The following SELPLG variants were observed in gnomAD, a reference collection of about 807,000 sequenced individuals.
SELPLG encodes P-selectin glycoprotein ligand 1.
In SELPLG, 2 loss-of-function variants were observed where a neutral mutation model predicts 1.1. The observed-to-expected ratio is 1.82, with a 90% CI of 0.74 to 5.71. The LOEUF (loss-of-function observed/expected upper bound fraction) is 5.71. SELPLG is among the 30% of genes most tolerant of loss of function. The pLI is 0.05. For missense variants in SELPLG, 478 were observed against 524.7 expected (o/e 0.91, Z 0.87); for synonymous variants, 230 against 221.2 (o/e 1.04, Z -0.35).
At position 108,632,311 on chromosome 12, in the gene SELPLG, G is replaced by GA. The variant is rs576671230; in HGVS notation, c.-6+1428dup. The stretch of plus-strand genomic sequence containing the variant: ...TCTGGGGGCCTCAAAGTCAGAGATG[G>GA]AAAAAAAAGGAAAACAGAAGAAAGA... On this transcript the variant is annotated intron_variant, in intron 1 of 1. Coordinates refer to ENST00000550948, the MANE Select transcript of SELPLG (RefSeq NM_003006.4). 1.4e-4 allele frequency among the ~76,000 whole-genome samples: 21 copies of GA among 151,394 alleles called. 3 individuals are homozygous for GA. In the South Asian group the frequency reaches 3.7e-3, roughly 27 times the overall value.
chr12:108,624,887 A>G (rs774805948), intron 1 of SELPLG, among the ~76,000 whole-genome samples: 4 of 151,930 alleles, frequency 2.6e-5, no homozygotes, highest in South Asian at 4.2e-4. Flanking sequence ...ACGGGGTTTC[A>G]CTATGTTGGC....
In SELPLG at chr12:108,623,110, G is replaced by C. The variant is rs149798267; in HGVS notation, c.1198C>G (p.Arg400Gly). The change falls in exon 2 of 2, where the codon CGT becomes GGT. Residue 400 changes from arginine to glycine, a missense_variant. Transcript: ENST00000550948. ...TGCAGGGTGAGGTCATCCCCCTCACGGTCCTCCCTGGGCTCTGGCGTCAGG... is the reference window on the plus strand; with the variant it reads ...TGCAGGGTGAGGTCATCCCCCTCACCGTCCTCCCTGGGCTCTGGCGTCAGG... ...PGLTPEPRED[R>G]EGDDLTLHSF... The C allele has an allele frequency of 1.3e-6, 2 of 1,546,924 alleles. No individual in the cohort carries two copies. The highest frequency in any genetic ancestry group is 2.8e-5 in the African/African-American group (2 of 72,448).
rs748947309 is a variant in SELPLG, at chr12:108,622,050, C to A, written c.*1019G>T. 2.0e-5 allele frequency among the ~76,000 whole-genome samples: 3 copies of A among 152,154 alleles called. No homozygotes were observed. Among genetic ancestry groups the A allele is most frequent in the Non-Finnish European group, 4.4e-5 (3 of 68,026 alleles). On this transcript the variant is annotated 3_prime_UTR_variant, in exon 2 of 2. Coordinates refer to ENST00000550948, the MANE Select transcript of SELPLG (RefSeq NM_003006.4). ...GAAGGGGCAGCCCTCCCTTTGGCCC[C>A]CCATAGCCTGAACTTTTCCTGGTCA... is the stretch of plus-strand genomic sequence containing the variant.
At position 108,623,780 on chromosome 12, in the gene SELPLG, T is replaced by C. The variant is rs138024084; in HGVS notation, c.528A>G (p.Pro176=). The change falls in exon 2 of 2, where the codon CCA becomes CCG. Residue 176 remains proline (P), a synonymous_variant. Transcript: ENST00000550948. ...GAGTGGTCTGTGCTTCCGTGGCTGC[T>C]GGTGGAGTGGTCTGTGCCTCTGTGG... ...LAATEAQTTP[P]AATEAQTTQP... 964 of 1,607,536 alleles carry C rather than the reference T, an allele frequency of 6.0e-4. 5 individuals are homozygous for C. In the African/African-American group the frequency reaches 0.011, roughly 18 times the overall value.
chr12:108,625,672 G>A (rs146978023), intron 1 of SELPLG, among the ~76,000 whole-genome samples: 243 of 152,242 alleles, frequency 1.6e-3, no homozygotes, highest in Non-Finnish European at 2.8e-3. Context: ...TCCCTACTAG[G>A]TAGCCAGAAA....
In SELPLG at chr12:108,622,900, C is replaced by A; in HGVS notation, c.*169G>T. On this transcript the variant is annotated 3_prime_UTR_variant, in exon 2 of 2. Coordinates refer to ENST00000550948, the MANE Select transcript of SELPLG (RefSeq NM_003006.4). Reference sequence around the variant, plus strand: ...GGCTCCACTTGCCCGTCTGCTTGGCCCCAGGCTGCTCTTGTCCTGTTTGGG... The same window carrying A: ...GGCTCCACTTGCCCGTCTGCTTGGCACCAGGCTGCTCTTGTCCTGTTTGGG... The A allele has an allele frequency of 1.6e-6, 1 of 631,052 alleles. No individual in the cohort carries two copies. Among genetic ancestry groups the A allele is most frequent in the Non-Finnish European group, 2.5e-6 (1 of 395,576 alleles). The allele number at this position is 631,052 out of a possible 1,614,324, so 39.1% of individuals were successfully genotyped here.
chr12:108,630,624 A>G (rs2136769948), intron 1 of SELPLG, among the ~76,000 whole-genome samples: 1 of 151,316 alleles, frequency 6.6e-6, no homozygotes, highest in Non-Finnish European at 1.5e-5. Context: ...AAGCTGTGTG[A>G]CCTGGGGCAA....
At position 108,623,722 on chromosome 12, in the gene SELPLG, G is replaced by A; in HGVS notation, c.586C>T (p.Pro196Ser). ...GTGGTCTGTGCCTCCATGGCTGCTG[G>A]TGCAGTGGTCTGTGCCTCCAGGCCT... ...PTGLEAQTTAPAAMEAQTTAP... is the reference protein window; with the variant it reads ...PTGLEAQTTASAAMEAQTTAP... The change falls in exon 2 of 2, where the codon CCA (proline) becomes TCA (serine). Residue 196 changes from proline to serine, a missense_variant. Physicochemically the swap from Pro to Ser is moderately conservative, Grantham distance 74 (BLOSUM62 -1). Transcript: ENST00000550948. 3 of 1,606,418 alleles carry A rather than the reference G, an allele frequency of 1.9e-6. No individual in the cohort carries two copies. Among genetic ancestry groups the A allele is most frequent in the Non-Finnish European group, 2.5e-6 (3 of 1,177,470 alleles).
Position 108,623,523 on chromosome 12 carries a change from A to C in SELPLG, c.785T>G (p.Leu262Arg), listed in dbSNP as rs1223412661. The C allele has an allele frequency of 6.2e-7, 1 of 1,614,112 alleles. No homozygotes were observed. Among genetic ancestry groups the C allele is most frequent in the Non-Finnish European group, 8.5e-7 (1 of 1,180,046 alleles). The change falls in exon 2 of 2, where the codon CTG becomes CGG. Residue 262 changes from leucine to arginine, a missense_variant. Leu to Arg is a moderately radical substitution (Grantham distance 102, BLOSUM62 -2). Transcript: ENST00000550948. ...CTCTGTGGCACTGGGTTCTGTGGAC[A>C]GGGCCTCCATGGCTGCCAGTGGAGT... ...QTTPLAAMEA[L>R]STEPSATEAL...
At chr12:108,630,640 C>T (rs1328711893) in intron 1 of SELPLG, among the ~76,000 whole-genome samples, 1 of 152,100 alleles carries the variant, frequency 6.6e-6, no homozygotes, top group Non-Finnish European at 1.5e-5. Flanking sequence ...GGCAACTCAC[C>T]TCACCTCTCT....
intron 1 of SELPLG, among the ~76,000 whole-genome samples, chr12:108,633,201 G>A (rs1303201798): frequency 1.3e-5 from 2 of 152,164 alleles, no homozygotes; most frequent in African/African-American, 4.8e-5. Context: ...AACTGGCCAG[G>A]GAGGGAAGTA....
In SELPLG at chr12:108,623,892, G is replaced by A. The variant is rs377406736; in HGVS notation, c.416C>T (p.Thr139Met). Residue 139 changes from threonine (T) to methionine (M), a missense_variant, in exon 2 of 2, where the codon ACG (threonine) becomes ATG (methionine). Thr to Met is a moderately conservative substitution (Grantham distance 81). Coordinates refer to ENST00000550948, the MANE Select transcript of SELPLG (RefSeq NM_003006.4). Reference protein sequence around the residue: ...TEAQTTQPVPTEAQTTPLAAT... With the variant: ...TEAQTTQPVPMEAQTTPLAAT... ...TGCCAGTGGAGTGGTCTGTGCCTCC[G>A]TGGGCACTGGTTGAGTGGTCTGTGC... The A allele has an allele frequency of 1.1e-4, 121 of 1,067,066 alleles. No homozygotes were observed. Among genetic ancestry groups the A allele is most frequent in the East Asian group, 4.2e-4 (7 of 16,644 alleles). The allele number at this position is 1,067,066 out of a possible 1,614,324, so 66.1% of individuals were successfully genotyped here. A position where few individuals can be genotyped will look rare whatever the true frequency, so the allele number is the denominator to read the frequency against.
intron 1 of SELPLG, among the ~76,000 whole-genome samples, chr12:108,626,128 C>CTTT (rs573374699): frequency 4.0e-5 from 5 of 125,744 alleles, no homozygotes; most frequent in Non-Finnish European, 6.7e-5. Flanking sequence ...GGTTTCTTTT[C>CTTT]TTTTTTTTTT....
At position 108,623,984 on chromosome 12, in the gene SELPLG, G is replaced by A. The variant is rs184663566; in HGVS notation, c.324C>T (p.Asn108=). Residue 108 remains asparagine, a synonymous_variant, in exon 2 of 2, where the codon AAC becomes AAT. Coordinates refer to ENST00000550948, the MANE Select transcript of SELPLG (RefSeq NM_003006.4). ...AVTELTTELA[N]MGNLSTDSAA... is the part of the protein sequence containing the mutation. ...CTGAATCCGTGGACAGGTTCCCCAT[G>A]TTGGCCAGCTCCGTGGTCAGCTCTG... is the stretch of plus-strand genomic sequence containing the variant. The A allele has an allele frequency of 8.7e-5, 140 of 1,614,230 alleles. 2 individuals are homozygous for A. Among genetic ancestry groups the A allele is most frequent in the Non-Finnish European group, 5.7e-5 (67 of 1,180,038 alleles).
intron 1 of SELPLG, chr12:108,631,709 G>A: frequency 1.6e-6 from 1 of 621,504 alleles, no homozygotes; most frequent in East Asian, 3.0e-5. Context: ...CAAACTTGCT[G>A]GCCTGATCCA....
intron 1 of SELPLG, among the ~76,000 whole-genome samples, chr12:108,632,389 G>GGTGTGTGT (rs34863745): frequency 1.2e-4 from 18 of 144,720 alleles, no homozygotes; most frequent in East Asian, 2.0e-4. Context: ...GACAATATGG[G>GGTGTGTGT]GTGTGTGTGT....
chr12:108,631,713 T>A (rs1450827250), intron 1 of SELPLG: 2 of 609,962 alleles, frequency 3.3e-6, no homozygotes, highest in African/African-American at 1.9e-5. Flanking sequence ...CTTGCTGGCC[T>A]GATCCAGAGG....
intron 1 of SELPLG, among the ~76,000 whole-genome samples, chr12:108,631,105 C>T (rs1174619063): frequency 2.6e-5 from 4 of 152,202 alleles, no homozygotes; most frequent in East Asian, 1.9e-4. Context: ...GGCAGGGGAA[C>T]GTGCACAGAA....
intron 1 of SELPLG, among the ~76,000 whole-genome samples, chr12:108,626,803 C>T (rs1011995724): frequency 1.3e-5 from 2 of 152,138 alleles, no homozygotes; most frequent in Admixed American, 1.3e-4. Context: ...ACCCGACCCA[C>T]ATCTTAAAAT....
Sources: gnomAD v4.1 joint callset for allele counts (sites outside exome capture counted in the v4.1 genomes callset) on GRCh38, gnomAD v4.1.1 for gene constraint, MANE v1.5 for transcripts, NCBI Gene and HGNC (gene_info 2026-07-23, HGNC 2026-07-21) for gene names.